The following KMT2E variants were observed in gnomAD, a reference collection of about 807,000 sequenced individuals.
The protein encoded by KMT2E is histone reader KMT2E.
In KMT2E, 30 loss-of-function variants were observed where a neutral mutation model predicts 184.6. The ratio of observed to expected loss-of-function variants is 0.16; its 90% CI spans 0.12 to 0.22. KMT2E has a LOEUF of 0.22. Ranked by LOEUF, KMT2E falls within the 10% of genes least tolerant of loss-of-function variation. KMT2E has a pLI of 1.00. For synonymous variants in KMT2E, 815 were observed against 776.5 expected (o/e 1.05, Z -0.82); for missense variants, 2,023 against 2,237.4 (o/e 0.90, Z 1.93).
At chr7:105,078,437 C>T (rs1043718236) in intron 11 of KMT2E, among the ~76,000 whole-genome samples, 1 of 152,102 alleles carries the variant, frequency 6.6e-6, no homozygotes, top group Admixed American at 6.5e-5. Context: ...TTCTTAGACT[C>T]TGTGTTCTTA....
intron 1 of KMT2E, among the ~76,000 whole-genome samples, chr7:105,035,022 ATTTTT>A (rs981054177): frequency 7.7e-6 from 1 of 129,716 alleles, no homozygotes. Context: ...CACCTGGCTA[ATTTTT>A]TTTTTTTTTT....
rs141075638 is a variant in KMT2E, at chr7:105,069,812, G to A, written c.497+3005G>A. Among the ~76,000 whole-genome samples, 40 of 152,096 alleles carry A rather than the reference G, an allele frequency of 2.6e-4. No individual in the cohort carries two copies. In the East Asian group the frequency reaches 7.7e-3, roughly 29 times the overall value. ...GCCAGGAGTCATGCTACCCTTTATA[G>A]TCATACCCACCTTCTACCCCTGAAC... On this transcript the variant is annotated intron_variant, in intron 6 of 26. Transcript: ENST00000311117.
At chr7:105,078,812 A>G (rs1483309892) in intron 11 of KMT2E, 34 bp from the exon 12 acceptor site, 2 of 1,278,886 alleles carry the variant, frequency 1.6e-6, no homozygotes, top group Non-Finnish European at 2.3e-6. Context: ...CCGGCCTAAA[A>G]TGTTAATAGC....
Position 105,107,495 on chromosome 7 carries a change from G to T in KMT2E, c.3038G>T (p.Cys1013Phe). The T allele has an allele frequency of 6.2e-7, 1 of 1,614,202 alleles. No homozygotes were observed. Among genetic ancestry groups the T allele is most frequent in the Non-Finnish European group, 8.5e-7 (1 of 1,180,040 alleles). Residue 1013 changes from cysteine (C) to phenylalanine (F), a missense_variant, in exon 22 of 27, where the codon TGT becomes TTT. Coordinates refer to ENST00000311117, the MANE Select transcript of KMT2E (RefSeq NM_182931.3). Reference sequence around the variant, plus strand: ...AGTAGGACTGAAGTCAACAGGCAGTGTCCTGGAGAAAAGGAACCTGTGTCA... The same window carrying T: ...AGTAGGACTGAAGTCAACAGGCAGTTTCCTGGAGAAAAGGAACCTGTGTCA... ...PRSRTEVNRQ[C>F]PGEKEPVSDL...
At chr7:105,016,166 G>A (rs1333462054) in intron 1 of KMT2E, among the ~76,000 whole-genome samples, 1 of 152,158 alleles carries the variant, frequency 6.6e-6, no homozygotes, top group Admixed American at 6.5e-5. Flanking sequence ...TTTGGTTTTT[G>A]TATTGTGTTT....
chr7:105,112,826 C>G lies in KMT2E; in HGVS notation c.5070C>G (p.His1690Gln). 1 of 1,526,702 alleles carries G rather than the reference C, an allele frequency of 6.6e-7. No homozygotes were observed. The highest frequency in any genetic ancestry group is 1.8e-5 in the Admixed American group (1 of 56,802). 94.6% of individuals were successfully genotyped at this position (1,526,702 alleles called of 1,614,324 possible). Residue 1690 changes from histidine (H) to glutamine (Q), a missense_variant, in exon 27 of 27, where the codon CAC (histidine) becomes CAG (glutamine). By Grantham distance (24) the His-to-Gln change is conservative (BLOSUM62 0). This residue lies in a region of KMT2E where 1,108 missense variants were observed against 1,050.9 expected (regional missense o/e 1.05). Transcript: ENST00000311117. Reference sequence around the variant, plus strand: ...CCCCTCCTGGTCCTGCCCCTCATCACCATCCACCACCCCATCCATCCACAG... The same window carrying G: ...CCCCTCCTGGTCCTGCCCCTCATCAGCATCCACCACCCCATCCATCCACAG... ...PPPPPGPAPH[H>Q]HPPPHPSTGL... is the part of the protein sequence containing the mutation.
chr7:105,033,952 C>G (rs1795530031), intron 1 of KMT2E, among the ~76,000 whole-genome samples: 1 of 152,110 alleles, frequency 6.6e-6, no homozygotes, highest in Admixed American at 6.5e-5. Flanking sequence ...CCCACTATCT[C>G]AGGAACGAAT....
intron 3 of KMT2E, among the ~76,000 whole-genome samples, chr7:105,060,703 T>G (rs1796782195): frequency 6.6e-6 from 1 of 152,182 alleles, no homozygotes; most frequent in Admixed American, 6.6e-5. Flanking sequence ...CCCAAAGTGT[T>G]GAGATCATAG....
At chr7:105,061,682 ATTAC>A (rs1796818183) in intron 3 of KMT2E, among the ~76,000 whole-genome samples, 1 of 151,984 alleles carries the variant, frequency 6.6e-6, no homozygotes, top group East Asian at 1.9e-4. Flanking sequence ...GAAACTTCCT[ATTAC>A]TTAAGTTTAC....
At chr7:105,110,425 C>A in intron 24 of KMT2E, 52 bp from the exon 25 acceptor site, 1 of 1,614,008 alleles carries the variant, frequency 6.2e-7, no homozygotes, top group Non-Finnish European at 8.5e-7. Flanking sequence ...TCTGCATCCT[C>A]GTTCTTTGCA....
intron 3 of KMT2E, among the ~76,000 whole-genome samples, chr7:105,059,989 T>TGTTTG (rs1357298202): frequency 8.4e-4 from 55 of 65,758 alleles, no homozygotes; most frequent in African/African-American, 6.3e-3. Context: ...TTTTTTTTTT[T>TGTTTG]TTTTTTTTTT....
At chr7:105,049,080 C>A (rs1796221485) in intron 3 of KMT2E, among the ~76,000 whole-genome samples, 1 of 152,012 alleles carries the variant, frequency 6.6e-6, no homozygotes, top group Admixed American at 6.6e-5. Flanking sequence ...GAGTAATAGA[C>A]CAAGGGAAGA....
intron 3 of KMT2E, among the ~76,000 whole-genome samples, chr7:105,046,366 A>C (rs1796105271): frequency 6.6e-6 from 1 of 152,148 alleles, no homozygotes; most frequent in Non-Finnish European, 1.5e-5. Context: ...TAGTATGCAA[A>C]GGCTTTCTTT....
At chr7:105,021,205 A>G (rs1350336392) in intron 1 of KMT2E, among the ~76,000 whole-genome samples, 1 of 152,252 alleles carries the variant, frequency 6.6e-6, no homozygotes, top group Non-Finnish European at 1.5e-5. Flanking sequence ...TCTGATACAT[A>G]GTAACTCTTA....
chr7:105,082,004 G>T (rs1389294351), intron 13 of KMT2E, among the ~76,000 whole-genome samples: 1 of 151,994 alleles, frequency 6.6e-6, no homozygotes, highest in African/African-American at 2.4e-5. Flanking sequence ...AATTATTATT[G>T]TAATGTAAAT....
At chr7:105,071,604 ATATATTTTTTT>A (rs1459352209) in intron 6 of KMT2E, among the ~76,000 whole-genome samples, 4 of 65,210 alleles carry the variant, frequency 6.1e-5, no homozygotes, top group African/African-American at 2.7e-4. Flanking sequence ...ATATATATAT[ATATATTTTTTT>A]TTTTTTTTTT....
intron 16 of KMT2E, 35 bp from the exon 17 acceptor site, chr7:105,101,851 T>C: frequency 6.8e-7 from 1 of 1,478,470 alleles, no homozygotes; most frequent in Non-Finnish European, 9.2e-7. Context: ...ATATATGTAG[T>C]ATAAAAACTT....
intron 15 of KMT2E, 61 bp from the exon 16 acceptor site, chr7:105,101,364 G>T: frequency 8.7e-7 from 1 of 1,151,752 alleles, no homozygotes; most frequent in Non-Finnish European, 1.2e-6. Context: ...CAAACATTTG[G>T]ACTTAATTTT....
chr7:105,035,343 A>G (rs1795601934), intron 1 of KMT2E, among the ~76,000 whole-genome samples: 1 of 149,158 alleles, frequency 6.7e-6, no homozygotes. Context: ...AATTTTTTTT[A>G]TTGTTAGTAG....
Sources: allele counts gnomAD v4.1 joint callset (sites outside exome capture counted in the v4.1 genomes callset), GRCh38; gene constraint gnomAD v4.1.1; regional missense constraint gnomAD v4.1.1; transcripts MANE v1.5; gene names NCBI Gene and HGNC (gene_info 2026-07-23, HGNC 2026-07-21).